Variants in PDSS1 observed in about 807,000 individuals in gnomAD.
The protein encoded by PDSS1 is all trans-polyprenyl-diphosphate synthase PDSS1.
PDSS1 carries 43 observed loss-of-function variants against 57.5 expected under a neutral mutation model. The ratio of observed to expected loss-of-function variants is 0.75; its 90% CI spans 0.59 to 0.96. The LOEUF (loss-of-function observed/expected upper bound fraction) is 0.96, where lower values mean the gene tolerates loss of function less well. Among genes scored for constraint, PDSS1 ranks in the 50% least tolerant of loss-of-function variants. The pLI, the probability that PDSS1 is intolerant of heterozygous loss-of-function variation, is 0.00. For synonymous variants in PDSS1, 175 were observed against 191.3 expected (o/e 0.91, Z 0.70); for missense variants, 438 against 527.8 (o/e 0.83, Z 1.67).
intron 9 of PDSS1, 47 bp from the exon 10 acceptor site, chr10:26,735,419 G>A (rs1462456692): frequency 2.9e-6 from 4 of 1,397,902 alleles, no homozygotes; most frequent in Middle Eastern, 3.5e-4. Flanking sequence ...GATGGCAGCA[G>A]TGTTGGCATG....
chr10:26,712,474 C>CT (rs1835432040), intron 5 of PDSS1, among the ~76,000 whole-genome samples: 1 of 99,238 alleles, frequency 1.0e-5, no homozygotes, highest in African/African-American at 3.3e-5. Context: ...TGGAGCAGGG[C>CT]TTAGGAAAGT....
intron 8 of PDSS1, among the ~76,000 whole-genome samples, chr10:26,728,774 C>CTTTTTTTTT (rs33930147): frequency 1.8e-4 from 15 of 84,566 alleles, no homozygotes; most frequent in Non-Finnish European, 2.1e-4. Context: ...TATTCTGTAT[C>CTTTTTTTTT]TTTTTTTTTT....
At chr10:26,712,001 C>CTTTT (rs543847648) in intron 5 of PDSS1, among the ~76,000 whole-genome samples, 3 of 61,900 alleles carry the variant, frequency 4.8e-5, no homozygotes, top group African/African-American at 9.6e-5. Flanking sequence ...TTTTCTTTTT[C>CTTTT]TTTTTTTTTT....
chr10:26,698,588 C>G (rs945621518), intron 1 of PDSS1, among the ~76,000 whole-genome samples: 1 of 152,168 alleles, frequency 6.6e-6, no homozygotes, highest in East Asian at 1.9e-4. Flanking sequence ...CACTGTGAGC[C>G]CTTCTGCGCT....
At chr10:26,727,340 C>CTTTT (rs71403885) in intron 8 of PDSS1, among the ~76,000 whole-genome samples, 1 of 100,648 alleles carries the variant, frequency 9.9e-6, no homozygotes, top group Non-Finnish European at 2.1e-5. Flanking sequence ...CTCTCTCTCT[C>CTTTT]TTTTTTTTTT....
chr10:26,730,112 T>C (rs558221990), intron 8 of PDSS1, among the ~76,000 whole-genome samples: 123 of 151,554 alleles, frequency 8.1e-4, no homozygotes, highest in Non-Finnish European at 1.4e-3. Flanking sequence ...TGGGGTTTCA[T>C]GGTGTTAGCC....
chr10:26,736,435 G>A (rs898230811), intron 10 of PDSS1, among the ~76,000 whole-genome samples: 1 of 152,218 alleles, frequency 6.6e-6, no homozygotes, highest in Non-Finnish European at 1.5e-5. Flanking sequence ...TAAAATTATA[G>A]TAACTTTTGG....
rs568789143 is a variant in PDSS1, at chr10:26,704,823, A to T, written c.227+82A>T. 1,884 of 762,032 alleles carry T rather than the reference A, an allele frequency of 2.5e-3. 11 individuals are homozygous for T. Among genetic ancestry groups the T allele is most frequent in the Non-Finnish European group, 3.0e-3 (1,301 of 427,894 alleles). 47.2% of individuals were successfully genotyped at this position (762,032 alleles called of 1,614,324 possible). On this transcript the variant is annotated intron_variant, in intron 3 of 11. Coordinates refer to ENST00000376215, the MANE Select transcript of PDSS1 (RefSeq NM_014317.5). ...TGTTTAAAAAATTTTTTTTGTAGCG[A>T]TGGGGAGCTCACTGTGTTGCCCAGG...
At chr10:26,723,237 A>G (rs1835845637) in intron 6 of PDSS1, among the ~76,000 whole-genome samples, 1 of 152,202 alleles carries the variant, frequency 6.6e-6, no homozygotes, top group Non-Finnish European at 1.5e-5. Context: ...ATCTGAACCA[A>G]TTATGCAAAT....
chr10:26,721,049 T>C (rs1835763266), intron 6 of PDSS1, among the ~76,000 whole-genome samples: 1 of 152,096 alleles, frequency 6.6e-6, no homozygotes, highest in Non-Finnish European at 1.5e-5. Flanking sequence ...CTCATGCCTG[T>C]AATCCCAGCA....
At chr10:26,743,957 A>G (rs1836716621) in intron 11 of PDSS1, among the ~76,000 whole-genome samples, 2 of 152,256 alleles carry the variant, frequency 1.3e-5, no homozygotes, top group Admixed American at 1.3e-4. Context: ...CACATTCACA[A>G]AACAGTACAG....
chr10:26,697,900 T>C, intron 1 of PDSS1, 60 bp downstream of exon 1: 1 of 1,228,718 alleles, frequency 8.1e-7, no homozygotes, highest in Non-Finnish European at 1.0e-6. Context: ...ATGACAGCAG[T>C]GGGCGGAATG....
In PDSS1 at chr10:26,723,800, T is replaced by C; in HGVS notation, c.610-6T>C. 1 of 1,596,812 alleles carries C rather than the reference T, an allele frequency of 6.3e-7. No individual in the cohort carries two copies. Among genetic ancestry groups the C allele is most frequent in the Non-Finnish European group, 8.6e-7 (1 of 1,164,224 alleles). On this transcript the variant is annotated splice_region_variant and splice_polypyrimidine_tract_variant and intron_variant, in intron 6 of 11. Coordinates refer to ENST00000376215, the MANE Select transcript of PDSS1 (RefSeq NM_014317.5). ...AACGTTCTGTTTTCCCCCTGTCTTTTTCTAGGCTGTTCTTGCTGGAGATTT... is the reference window on the plus strand; with the variant it reads ...AACGTTCTGTTTTCCCCCTGTCTTTCTCTAGGCTGTTCTTGCTGGAGATTT...
At chr10:26,722,447 G>A (rs1041827414) in intron 6 of PDSS1, among the ~76,000 whole-genome samples, 11 of 152,168 alleles carry the variant, frequency 7.2e-5, no homozygotes, top group Non-Finnish European at 2.9e-5. Context: ...GCTCACGCCT[G>A]TAATCCTAGC....
chr10:26,720,481 A>G, intron 6 of PDSS1, 122 bp downstream of exon 6: 1 of 753,938 alleles, frequency 1.3e-6, no homozygotes, highest in Non-Finnish European at 2.4e-6. Context: ...GGTCTTCTGA[A>G]TTTCAAAAAA....
intron 4 of PDSS1, among the ~76,000 whole-genome samples, chr10:26,709,391 C>G (rs1835346209): frequency 6.6e-6 from 1 of 152,090 alleles, no homozygotes; most frequent in Non-Finnish European, 1.5e-5. Context: ...GAAATCCCGT[C>G]TCTACTAAAA....
At chr10:26,716,793 G>A (rs868677653) in intron 5 of PDSS1, among the ~76,000 whole-genome samples, 2 of 152,174 alleles carry the variant, frequency 1.3e-5, no homozygotes, top group African/African-American at 2.4e-5. Context: ...AAGTACAGAG[G>A]ACGTAGCCAA....
chr10:26,715,637 TC>T (rs1299714838), intron 5 of PDSS1: 2 of 152,182 alleles, frequency 1.3e-5, no homozygotes, highest in Non-Finnish European at 2.9e-5. Context: ...CCTCAAGTGA[TC>T]CGCCTGTCTC....
chr10:26,709,546 A>G, intron 4 of PDSS1, 92 bp from the exon 5 acceptor site: 1 of 1,295,764 alleles, frequency 7.7e-7, no homozygotes, highest in Non-Finnish European at 1.1e-6. Context: ...GGGCAACAAG[A>G]GCGAAACTCC....
Sources: allele counts gnomAD v4.1 joint callset (sites outside exome capture counted in the v4.1 genomes callset), GRCh38; gene constraint gnomAD v4.1.1; transcripts MANE v1.5; gene names NCBI Gene and HGNC (gene_info 2026-07-23, HGNC 2026-07-21).